OSBPL9: variants seen among roughly 807,000 people sequenced by gnomAD.
OSBPL9 encodes the protein oxysterol-binding protein-related protein 9.
In OSBPL9, 40 loss-of-function variants were observed where a neutral mutation model predicts 106.6. The observed-to-expected ratio is 0.38, with a 90% confidence interval of 0.29 to 0.49. OSBPL9 has a LOEUF of 0.49. OSBPL9 is among the 20% of genes least tolerant of loss of function. OSBPL9 has a pLI of 0.97. For missense variants in OSBPL9, 609 were observed against 887.2 expected, an observed-to-expected ratio of 0.69 and a Z score of 3.98; for synonymous variants, 269 against 295.4, an observed-to-expected ratio of 0.91 and a Z score of 0.92.
chr1:51,577,603 A>G (rs1645193809), intron 1 of OSBPL9, among the ~76,000 whole-genome samples: 1 of 152,298 alleles, frequency 6.6e-6, no homozygotes, highest in Middle Eastern at 3.4e-3. Context: ...ATAGCAATGC[A>G]AGAATGGCGT....
At chr1:51,571,266 G>A in the OSBPL9 span, among the ~76,000 whole-genome samples, 1,618 of 152,320 alleles carry the variant, frequency 0.011, 15 homozygotes, top group Non-Finnish European at 0.018. Context: ...TTACACAGAA[G>A]AATCACAGGT....
chr1:51,580,810 A>G (rs1392449443), intron 1 of OSBPL9, among the ~76,000 whole-genome samples: 1 of 147,278 alleles, frequency 6.8e-6, no homozygotes, highest in Non-Finnish European at 1.5e-5. Context: ...AGAAGCAAAT[A>G]GGCAGTAAAA....
chr1:51,583,153 A>G (rs1645230130), intron 1 of OSBPL9, among the ~76,000 whole-genome samples: 1 of 152,096 alleles, frequency 6.6e-6, no homozygotes, highest in South Asian at 2.1e-4. Flanking sequence ...TGTGGGGAAA[A>G]TTAAACGTAG....
chr1:51,729,910 AGGGGTGCTC>A lies in OSBPL9; in HGVS notation c.319-15622_319-15614del. 7.8e-7 allele frequency: 1 copy of A among 1,287,408 alleles called. No homozygotes were observed. The highest frequency in any genetic ancestry group is 9.9e-7 in the Non-Finnish European group (1 of 1,009,382). The allele number at this position is 1,287,408 out of a possible 1,614,324, so 79.7% of individuals were successfully genotyped here. A position where few individuals can be genotyped will look rare whatever the true frequency, so the allele number is the denominator to read the frequency against. On this transcript the variant is annotated intron_variant, in intron 4 of 23. Transcript: ENST00000428468. The surrounding 1 kb of genome is among the most constrained non-coding windows in gnomAD (Gnocchi z 5.1). ...GGATCGGGTCGAGGGGAGAAGAAAAAGGGGTGCTCGGGAGCAGCCCCCGGCTACCTCCCC... is the reference window on the plus strand; with the variant it reads ...GGATCGGGTCGAGGGGAGAAGAAAAAGGGAGCAGCCCCCGGCTACCTCCCC...
chr1:51,766,521 T>C (rs1672590109), intron 12 of OSBPL9, among the ~76,000 whole-genome samples: 1 of 152,110 alleles, frequency 6.6e-6, no homozygotes, highest in African/African-American at 2.4e-5. Context: ...ATGAAATACG[T>C]GGTATGGTAT....
chr1:51,787,302 T>C (rs1163715302), intron 22 of OSBPL9, 51 bp from the exon 23 acceptor site: 1 of 1,559,228 alleles, frequency 6.4e-7, no homozygotes, highest in South Asian at 1.1e-5. Context: ...TCAGGATGGC[T>C]GCAGGCTTTC....
intron 3 of OSBPL9, among the ~76,000 whole-genome samples, chr1:51,692,385 A>G (rs999691060): frequency 2.6e-5 from 4 of 152,098 alleles, no homozygotes; most frequent in African/African-American, 7.3e-5. Context: ...TCACATTGTC[A>G]TTTATTATCA....
At chr1:51,648,865 G>T (rs760657824) in intron 1 of OSBPL9, among the ~76,000 whole-genome samples, 3 of 152,146 alleles carry the variant, frequency 2.0e-5, no homozygotes, top group Non-Finnish European at 4.4e-5. Context: ...AATGAGTGAG[G>T]ATCTGCTGCT....
At chr1:51,523,746 A>G in the OSBPL9 span, among the ~76,000 whole-genome samples, 1 of 152,122 alleles carries the variant, frequency 6.6e-6, no homozygotes, top group Non-Finnish European at 1.5e-5. Context: ...CTTTGTCACC[A>G]ATCATCTTTC....
At chr1:51,609,342 C>CCTTTTTTT (rs1557583432) in intron 2 of OSBPL9, among the ~76,000 whole-genome samples, 1 of 138,256 alleles carries the variant, frequency 7.2e-6, no homozygotes. Context: ...CTTCTCTCTC[C>CCTTTTTTT]TTTTTTTTTT....
At chr1:51,624,651 ACTCT>A (rs1396470564) in intron 1 of OSBPL9, among the ~76,000 whole-genome samples, 1 of 151,890 alleles carries the variant, frequency 6.6e-6, no homozygotes, top group Non-Finnish European at 1.5e-5. Flanking sequence ...ACATAAAGAA[ACTCT>A]CTAAGATAGT....
At chr1:51,773,520 T>A (rs1387469472) in intron 14 of OSBPL9, among the ~76,000 whole-genome samples, 1 of 152,212 alleles carries the variant, frequency 6.6e-6, no homozygotes, top group Non-Finnish European at 1.5e-5. Flanking sequence ...ACTGAGATTC[T>A]AATCTGCTCC....
At chr1:51,530,193 C>A in the OSBPL9 span, among the ~76,000 whole-genome samples, 22,288 of 52,872 alleles carry the variant, frequency 0.42, 4,589 homozygotes, top group Middle Eastern at 0.55. Flanking sequence ...AAAAAAAAAA[C>A]AAAAAAAAAA....
chr1:51,729,979 CT>C lies in OSBPL9; in HGVS notation c.319-15554del. On this transcript the variant is annotated intron_variant, in intron 4 of 23. Coordinates refer to ENST00000428468, the MANE Select transcript of OSBPL9 (RefSeq NM_024586.6). The surrounding 1 kb of genome is among the most constrained non-coding windows in gnomAD (Gnocchi z 5.1). ...AGAGGGCGGGGGCCTTGGCGAATGG[CT>C]TTCTTGCTGGCCACTTGCGGAGTGA... The C allele has an allele frequency of 7.6e-7, 1 of 1,317,458 alleles. No individual in the cohort carries two copies. Among genetic ancestry groups the C allele is most frequent in the Non-Finnish European group, 9.8e-7 (1 of 1,025,234 alleles). 81.6% of individuals were successfully genotyped at this position (1,317,458 alleles called of 1,614,324 possible). A position where few individuals can be genotyped will look rare whatever the true frequency, so the allele number is the denominator to read the frequency against.
intron 3 of OSBPL9, among the ~76,000 whole-genome samples, chr1:51,690,310 T>C (rs1654691294): frequency 6.6e-6 from 1 of 152,208 alleles, no homozygotes; most frequent in Admixed American, 6.5e-5. Context: ...ACATTTGGTT[T>C]TCATTGTCTG....
At chr1:51,551,967 A>ATGTGTGTG in the OSBPL9 span, among the ~76,000 whole-genome samples, 7,187 of 145,148 alleles carry the variant, frequency 0.05, 209 homozygotes, top group African/African-American at 0.059. Flanking sequence ...GTGAATAGAA[A>ATGTGTGTG]TGTGTGTGTG....
chr1:51,667,531 G>C (rs1303105026), intron 2 of OSBPL9, among the ~76,000 whole-genome samples: 2 of 152,302 alleles, frequency 1.3e-5, no homozygotes, highest in Middle Eastern at 3.4e-3. Flanking sequence ...TCCAGAGAGA[G>C]ATAACTTTTC....
the OSBPL9 span, among the ~76,000 whole-genome samples, chr1:51,554,139 A>G: frequency 6.6e-6 from 1 of 152,238 alleles, no homozygotes; most frequent in Non-Finnish European, 1.5e-5. Context: ...CAGACACAGG[A>G]AGACTCTGTC....
intron 1 of OSBPL9, among the ~76,000 whole-genome samples, chr1:51,628,672 CT>C (rs1644918326): frequency 6.7e-6 from 1 of 149,532 alleles, no homozygotes; most frequent in African/African-American, 2.5e-5. Flanking sequence ...TTCAATTTAT[CT>C]TTCTTTTTTT....
Sources: allele counts gnomAD v4.1 joint callset (sites outside exome capture counted in the v4.1 genomes callset), GRCh38; gene constraint gnomAD v4.1.1; non-coding constraint Gnocchi (gnomAD v3.1); transcripts MANE v1.5; gene names NCBI Gene and HGNC (gene_info 2026-07-23, HGNC 2026-07-21).